RASSF2: variants seen among roughly 807,000 people sequenced by gnomAD.
The protein encoded by RASSF2 is ras association domain-containing protein 2.
In RASSF2, 34 loss-of-function variants were observed where a neutral mutation model predicts 46.3. The ratio of observed to expected loss-of-function variants is 0.73; its 90% CI spans 0.56 to 0.98. RASSF2 has a LOEUF of 0.98. RASSF2 is among the 50% of genes least tolerant of loss of function. The pLI, the probability that RASSF2 is intolerant of heterozygous loss-of-function variation, is 0.00. For synonymous variants in RASSF2, 158 were observed against 162.5 expected (o/e 0.97, Z 0.21); for missense variants, 364 against 431.2 (o/e 0.84, Z 1.38).
chr20:4,790,038 C>T lies in RASSF2; in HGVS notation c.538-341G>A, dbSNP rs972844334. Reference sequence around the variant, plus strand: ...GGGTGGGGTGGGTGGTGCACTGACACCCCAGGTCTGAGACCTGCAGCTCTG... The same window carrying T: ...GGGTGGGGTGGGTGGTGCACTGACATCCCAGGTCTGAGACCTGCAGCTCTG... On this transcript the variant is annotated intron_variant, in intron 7 of 11. Transcript: ENST00000379400. The surrounding 1 kb of genome is among the most constrained non-coding windows in gnomAD (Gnocchi z 4.3). 6.6e-6 allele frequency among the ~76,000 whole-genome samples: 1 copy of T among 152,132 alleles called. No homozygotes were observed. Among genetic ancestry groups the T allele is most frequent in the South Asian group, 2.1e-4 (1 of 4,828 alleles).
In RASSF2 at chr20:4,795,295, C is replaced by G. The variant is rs1013192718; in HGVS notation, c.287+520G>C. ...CCGTATGGTCTGCAGGGAGCAGACC[C>G]CTGGCTGATCTCGCTTGGCTGACTC... On this transcript the variant is annotated intron_variant, in intron 5 of 11. Coordinates refer to ENST00000379400, the MANE Select transcript of RASSF2 (RefSeq NM_014737.3). This position sits in a 1 kb window ranked among gnomAD's most constrained non-coding sequence, Gnocchi z 4.0. The G allele has an allele frequency of 6.6e-6, 1 of 152,506 alleles. No individual in the cohort carries two copies. Among genetic ancestry groups the G allele is most frequent in the African/African-American group, 2.4e-5 (1 of 41,446 alleles). 9.4% of individuals were successfully genotyped at this position (152,506 alleles called of 1,614,324 possible). A position where few individuals can be genotyped will look rare whatever the true frequency, so the allele number is the denominator to read the frequency against.
At chr20:4,817,354 G>A (rs898063045) in intron 2 of RASSF2, among the ~76,000 whole-genome samples, 1 of 152,150 alleles carries the variant, frequency 6.6e-6, no homozygotes, top group African/African-American at 2.4e-5. Context: ...GGGTGGAACT[G>A]CTGAGTCAGG....
rs1350526330 is a variant in RASSF2, at chr20:4,789,669, G to A, written c.566C>T (p.Ser189Phe). 1.9e-6 allele frequency: 3 copies of A among 1,614,054 alleles called. No individual in the cohort carries two copies. The highest frequency in any genetic ancestry group is 2.7e-5 in the African/African-American group (2 of 74,906). ...GCTGTTGATGCGGACGTTGGTGACAGAGCCATAGGCTGGTGTGAACACGGA... is the reference window on the plus strand; with the variant it reads ...GCTGTTGATGCGGACGTTGGTGACAAAGCCATAGGCTGGTGTGAACACGGA... ...KTSVFTPAYGSVTNVRINSTM... is the reference protein window; with the variant it reads ...KTSVFTPAYGFVTNVRINSTM... The change falls in exon 8 of 12, where the codon TCT becomes TTT. Residue 189 changes from serine (S) to phenylalanine (F), a missense_variant. Transcript: ENST00000379400.
chr20:4,820,759 C>T (rs1928637792), intron 2 of RASSF2, among the ~76,000 whole-genome samples: 1 of 152,024 alleles, frequency 6.6e-6, no homozygotes. Context: ...CTGAGACCTG[C>T]CCTGTTTCTC....
Position 4,804,545 on chromosome 20 carries a change from G to T in RASSF2, c.-32-3483C>A, listed in dbSNP as rs895865708. The stretch of plus-strand genomic sequence containing the variant: ...GTGGAGACGGGGTTTCACCATGTTG[G>T]CCAGGCTGGTCTTGAACTCCTGACC... On this transcript the variant is annotated intron_variant, in intron 2 of 11. Coordinates refer to ENST00000379400, the MANE Select transcript of RASSF2 (RefSeq NM_014737.3). 4.6e-5 allele frequency among the ~76,000 whole-genome samples: 7 copies of T among 152,084 alleles called. No individual in the cohort carries two copies. The East Asian group carries it at 7.7e-4, about 17-fold the overall frequency.
In RASSF2 at chr20:4,790,684, C is replaced by T. The variant is rs1397757638; in HGVS notation, c.377-73G>A. ...TGGCACATGGTCCCCAATTTGTGGC[C>T]AGTGCGACAGCACCCACTGTCTCCA... On this transcript the variant is annotated intron_variant, in intron 6 of 11. Transcript: ENST00000379400. This position sits in a 1 kb window ranked among gnomAD's most constrained non-coding sequence, Gnocchi z 4.3. 1 of 1,240,880 alleles carries T rather than the reference C, an allele frequency of 8.1e-7. No individual in the cohort carries two copies. Among genetic ancestry groups the T allele is most frequent in the African/African-American group, 1.6e-5 (1 of 62,696 alleles). 76.9% of individuals were successfully genotyped at this position (1,240,880 alleles called of 1,614,324 possible).
Position 4,795,692 on chromosome 20 carries a change from G to T in RASSF2, c.287+123C>A. 1 of 1,206,092 alleles carries T rather than the reference G, an allele frequency of 8.3e-7. No homozygotes were observed. The highest frequency in any genetic ancestry group is 1.5e-5 in the South Asian group (1 of 65,468). The allele number at this position is 1,206,092 out of a possible 1,614,324, so 74.7% of individuals were successfully genotyped here. ...CCAAGGCTAAGGCAGGTGGGCAGTAGAGGTAGTAGGAGGAGGAGCCAGGGT... is the reference window on the plus strand; with the variant it reads ...CCAAGGCTAAGGCAGGTGGGCAGTATAGGTAGTAGGAGGAGGAGCCAGGGT... On this transcript the variant is annotated intron_variant, in intron 5 of 11. Transcript: ENST00000379400. The surrounding 1 kb of genome is among the most constrained non-coding windows in gnomAD (Gnocchi z 4.0).
intron 11 of RASSF2, among the ~76,000 whole-genome samples, chr20:4,785,615 G>A (rs1019760529): frequency 6.6e-6 from 1 of 152,180 alleles, no homozygotes; most frequent in Non-Finnish European, 1.5e-5. Flanking sequence ...AAGGGAGGAA[G>A]GGGGAGAGGA....
Position 4,800,337 on chromosome 20 carries a change from C to T in RASSF2, c.59+635G>A, listed in dbSNP as rs73893834. Among the ~76,000 whole-genome samples the T allele has an allele frequency of 3.5e-3, 535 of 152,204 alleles. 5 individuals are homozygous for T. The highest frequency in any genetic ancestry group is 0.012 in the African/African-American group (498 of 41,524). On this transcript the variant is annotated intron_variant, in intron 3 of 11. Transcript: ENST00000379400. ...CTCCCTGGGAACACAACGGACAGGA[C>T]GGGGAGCAGTGTCTGAGTCCATTCT...
Position 4,790,570 on chromosome 20 carries a change from G to T in RASSF2, c.418C>A (p.Leu140Met), listed in dbSNP as rs1925790110. The change falls in exon 7 of 12, where the codon CTG (leucine) becomes ATG (methionine). Residue 140 changes from leucine (L) to methionine (M), a missense_variant. Coordinates refer to ENST00000379400, the MANE Select transcript of RASSF2 (RefSeq NM_014737.3). The surrounding 1 kb of genome is among the most constrained non-coding windows in gnomAD (Gnocchi z 4.3). ...CCAACATCACTGCGTGTGCGCATCA[G>T]CTGTGGGGTGTCCTCCTGCAGGGGC... ...LKPLQEDTPQ[L>M]MRTRSDVGVR... 6.5e-7 allele frequency: 1 copy of T among 1,534,218 alleles called. No homozygotes were observed. Among genetic ancestry groups the T allele is most frequent in the Non-Finnish European group, 8.7e-7 (1 of 1,150,224 alleles).
rs180894018 is a variant in RASSF2, at chr20:4,800,964, C to A, written c.59+8G>T. ...CTGAGGACAAAACACTCCAGCAAAA[C>A]GTCTTACTTGGAAATGTATTTATCT... On this transcript the variant is annotated splice_region_variant and intron_variant, in intron 3 of 11. Coordinates refer to ENST00000379400, the MANE Select transcript of RASSF2 (RefSeq NM_014737.3). 6.2e-7 allele frequency: 1 copy of A among 1,607,590 alleles called. No individual in the cohort carries two copies. Among genetic ancestry groups the A allele is most frequent in the Non-Finnish European group, 8.5e-7 (1 of 1,174,002 alleles).
At chr20:4,810,983 C>T (rs1031458061) in intron 2 of RASSF2, among the ~76,000 whole-genome samples, 4 of 152,114 alleles carry the variant, frequency 2.6e-5, no homozygotes, top group Admixed American at 1.3e-4. Flanking sequence ...AGACACCCGA[C>T]GTCACAGCGA....
chr20:4,788,306 A>G (rs778714554), intron 8 of RASSF2, 38 bp from the exon 9 acceptor site: 20 of 1,558,616 alleles, frequency 1.3e-5, no homozygotes, highest in Admixed American at 8.4e-5. Flanking sequence ...GAAAGTTTCT[A>G]TTTAAACATC....
At chr20:4,785,491 C>T (rs1284202972) in intron 11 of RASSF2, among the ~76,000 whole-genome samples, 2 of 152,226 alleles carry the variant, frequency 1.3e-5, no homozygotes, top group East Asian at 1.9e-4. Context: ...TCCACCATAT[C>T]TATGAAAGGC....
Position 4,812,209 on chromosome 20 carries a change from G to A in RASSF2, c.-33+10120C>T, listed in dbSNP as rs1326706495. Among the ~76,000 whole-genome samples the A allele has an allele frequency of 6.6e-6, 1 of 152,176 alleles. No homozygotes were observed. Among genetic ancestry groups the A allele is most frequent in the Non-Finnish European group, 1.5e-5 (1 of 68,034 alleles). ...GGGCAAAATGTGGGCTGCCTCGGAA[G>A]GAAATGGCATACTCTGCCTTCTGCC... On this transcript the variant is annotated intron_variant, in intron 2 of 11. Coordinates refer to ENST00000379400, the MANE Select transcript of RASSF2 (RefSeq NM_014737.3). The surrounding 1 kb of genome is among the most constrained non-coding windows in gnomAD (Gnocchi z 4.0).
At chr20:4,823,286 TGCCCCGCGCCCCGC>T (rs1218811763) in intron 1 of RASSF2, among the ~76,000 whole-genome samples, 1 of 151,722 alleles carries the variant, frequency 6.6e-6, no homozygotes, top group South Asian at 2.1e-4. Context: ...TCGCTCCCAG[TGCCCCGCGCCCCGC>T]GCCCCGCGCC....
At chr20:4,807,457 G>A (rs551008419) in intron 2 of RASSF2, among the ~76,000 whole-genome samples, 1 of 152,160 alleles carries the variant, frequency 6.6e-6, no homozygotes, top group Non-Finnish European at 1.5e-5. Flanking sequence ...AAATCAGTAA[G>A]AAAAAGGTTC....
intron 10 of RASSF2, 39 bp downstream of exon 10, chr20:4,787,594 C>A (rs1925470335): frequency 2.5e-6 from 4 of 1,612,760 alleles, no homozygotes; most frequent in East Asian, 4.5e-5. Context: ...AAATCCCCAC[C>A]CTCCTGAGGA....
At position 4,800,953 on chromosome 20, in the gene RASSF2, C is replaced by T. The variant is rs1372927513; in HGVS notation, c.59+19G>A. 2.5e-6 allele frequency: 4 copies of T among 1,601,366 alleles called. No homozygotes were observed. Among genetic ancestry groups the T allele is most frequent in the East Asian group, 4.5e-5 (2 of 44,828 alleles). On this transcript the variant is annotated intron_variant, in intron 3 of 11. Coordinates refer to ENST00000379400, the MANE Select transcript of RASSF2 (RefSeq NM_014737.3). ...GGGACTGGTCACTGAGGACAAAACACTCCAGCAAAACGTCTTACTTGGAAA... is the reference window on the plus strand; with the variant it reads ...GGGACTGGTCACTGAGGACAAAACATTCCAGCAAAACGTCTTACTTGGAAA...
Sources: gnomAD v4.1 joint callset for allele counts (sites outside exome capture counted in the v4.1 genomes callset) on GRCh38, gnomAD v4.1.1 for gene constraint, Gnocchi (gnomAD v3.1) non-coding constraint, MANE v1.5 for transcripts, NCBI Gene and HGNC (gene_info 2026-07-23, HGNC 2026-07-21) for gene names.